The following CACNA1C variants were observed in gnomAD, a reference collection of about 807,000 sequenced individuals.
The protein encoded by CACNA1C is calcium voltage-gated channel subunit alpha1 C.
Under a neutral mutation model 229.0 loss-of-function variants are expected in CACNA1C, and 30 were observed. That is an observed-to-expected ratio of 0.13 (90% CI 0.10 to 0.18). The LOEUF (loss-of-function observed/expected upper bound fraction) is 0.18. Ranked by LOEUF, CACNA1C falls within the 10% of genes least tolerant of loss-of-function variation. The probability of loss-of-function intolerance (pLI) is 1.00; values close to 1 mark genes in which losing one functional copy is unlikely to be tolerated. For synonymous variants in CACNA1C, 1,114 were observed against 1,132.5 expected, an observed-to-expected ratio of 0.98 and a Z score of 0.33; for missense variants, 1,658 against 2,845.0, an observed-to-expected ratio of 0.58 and a Z score of 9.49.
In CACNA1C at chr12:2,632,814, A is replaced by G. The variant is rs1403691621; in HGVS notation, c.3829-1483A>G. 1.3e-5 allele frequency among the ~76,000 whole-genome samples: 2 copies of G among 152,106 alleles called. No individual in the cohort carries two copies. The highest frequency in any genetic ancestry group is 2.9e-5 in the Non-Finnish European group (2 of 68,016). ...CCTACCTCCAAATGACCATGAAAGA[A>G]CCTGGGGAGGGGCTTAGAAAGCCTC... is the stretch of plus-strand genomic sequence containing the variant. On this transcript the variant is annotated intron_variant, in intron 29 of 46. Coordinates refer to ENST00000399655, the MANE Select transcript of CACNA1C (RefSeq NM_000719.7). The surrounding 1 kb of genome is among the most constrained non-coding windows in gnomAD (Gnocchi z 4.1).
At chr12:2,121,180 C>T (rs1420978278) in intron 3 of CACNA1C, among the ~76,000 whole-genome samples, 1 of 152,208 alleles carries the variant, frequency 6.6e-6, no homozygotes, top group Non-Finnish European at 1.5e-5. Context: ...TCTCTTTCTC[C>T]CCCTCCATTG....
intron 1 of CACNA1C, among the ~76,000 whole-genome samples, chr12:2,111,721 A>G (rs1397779351): frequency 6.6e-6 from 1 of 152,160 alleles, no homozygotes; most frequent in African/African-American, 2.4e-5. Context: ...TGCCAAACAG[A>G]GAGTCTAGGA....
upstream of CACNA1C, among the ~76,000 whole-genome samples, chr12:2,050,392 C>T (rs568334857): frequency 2.6e-5 from 4 of 152,238 alleles, no homozygotes; most frequent in African/African-American, 9.6e-5. Flanking sequence ...CTTATTGGAT[C>T]GCAGTGAGGA....
intron 3 of CACNA1C, among the ~76,000 whole-genome samples, chr12:2,413,036 GAGA>G (rs1480767156): frequency 6.6e-6 from 1 of 152,084 alleles, no homozygotes; most frequent in Non-Finnish European, 1.5e-5. Context: ...TTGTTTTCTT[GAGA>G]AGGAGTCTCG....
At position 2,598,289 on chromosome 12, in the gene CACNA1C, G is replaced by C. The variant is rs560734044; in HGVS notation, c.2853+1000G>C. Among the ~76,000 whole-genome samples, 162 of 152,292 alleles carry C rather than the reference G, an allele frequency of 1.1e-3. 1 individual carries two copies. In the South Asian group the frequency reaches 0.032, roughly 30 times the overall value. On this transcript the variant is annotated intron_variant, in intron 21 of 46. Transcript: ENST00000399655. ...TGCTGGCCCAGCTCAGTTCTGCTAA[G>C]GGAACTGCTGCAACATTGCTACCCT...
Position 2,677,108 on chromosome 12 carries a change from G to A in CACNA1C, c.4843G>A (p.Val1615Ile), listed in dbSNP as rs750981201. The A allele has an allele frequency of 1.9e-6, 3 of 1,613,070 alleles. No homozygotes were observed. The highest frequency in any genetic ancestry group is 2.2e-5 in the South Asian group (2 of 90,776). Residue 1615 changes from valine (V) to isoleucine (I), a missense_variant, in exon 40 of 47, where the codon GTT becomes ATT. Val to Ile is a conservative substitution (Grantham distance 29, BLOSUM62 3). Around this residue, in one of 20 missense-constraint regions of CACNA1C, gnomAD observed 151 missense variants for 344.4 expected, o/e 0.44. Transcript: ENST00000399655. The surrounding 1 kb of genome is among the most constrained non-coding windows in gnomAD (Gnocchi z 7.4). ...VPPAGDDEVT[V>I]GKFYATFLIQ... is the part of the protein sequence containing the mutation. ...ATACGTCTCAGATGATGAGGTCACC[G>A]TTGGCAAGTTCTACGCCACGTTCCT...
intron 3 of CACNA1C, among the ~76,000 whole-genome samples, chr12:2,212,261 T>C (rs2097944690): frequency 6.6e-6 from 1 of 152,254 alleles, no homozygotes; most frequent in Non-Finnish European, 1.5e-5. Context: ...TGAGCACTCA[T>C]CAGCCTGTGG....
chr12:2,071,661 A>G (rs1412061276), intron 1 of CACNA1C, among the ~76,000 whole-genome samples: 1 of 152,078 alleles, frequency 6.6e-6, no homozygotes, highest in Non-Finnish European at 1.5e-5. Flanking sequence ...ATATTTTGTT[A>G]TCTATCCTCT....
intron 1 of CACNA1C, among the ~76,000 whole-genome samples, chr12:2,042,022 T>C (rs1466317275): frequency 2.0e-5 from 3 of 152,256 alleles, no homozygotes; most frequent in African/African-American, 7.2e-5. Flanking sequence ...TCTGGTGCTT[T>C]ATAAATCTTG....
chr12:2,524,886 G>A (rs1303114813), intron 9 of CACNA1C, among the ~76,000 whole-genome samples: 2 of 152,230 alleles, frequency 1.3e-5, no homozygotes, highest in Non-Finnish European at 2.9e-5. Context: ...GGCTGGGTGG[G>A]CACAGGACAG....
chr12:2,329,021 A>G (rs1273919363), intron 3 of CACNA1C, among the ~76,000 whole-genome samples: 1 of 152,200 alleles, frequency 6.6e-6, no homozygotes, highest in Non-Finnish European at 1.5e-5. Flanking sequence ...TTCAGGATCA[A>G]TGACAGTATG....
At chr12:2,056,786 T>G (rs1184205956) in intron 1 of CACNA1C, among the ~76,000 whole-genome samples, 4 of 152,164 alleles carry the variant, frequency 2.6e-5, no homozygotes, top group Non-Finnish European at 5.9e-5. Context: ...CTACTATTGG[T>G]CAGGCACTTT....
chr12:2,278,978 C>T (rs963613083), intron 3 of CACNA1C, among the ~76,000 whole-genome samples: 1 of 152,138 alleles, frequency 6.6e-6, no homozygotes, highest in African/African-American at 2.4e-5. Context: ...TTTGCATTTT[C>T]CTGAAGACTA....
intron 3 of CACNA1C, among the ~76,000 whole-genome samples, chr12:2,156,836 G>C (rs1027351324): frequency 3.3e-5 from 5 of 152,218 alleles, no homozygotes; most frequent in Admixed American, 2.6e-4. Flanking sequence ...TCTTGGCCAT[G>C]GTGGAGGCTT....
At chr12:2,432,623 G>A (rs1378782721) in intron 3 of CACNA1C, among the ~76,000 whole-genome samples, 1 of 152,140 alleles carries the variant, frequency 6.6e-6, no homozygotes, top group Non-Finnish European at 1.5e-5. Flanking sequence ...TCCAGATAAT[G>A]GTGCAATCAT....
At chr12:2,120,908 A>AT (rs1344796751) in intron 3 of CACNA1C, among the ~76,000 whole-genome samples, 1 of 152,146 alleles carries the variant, frequency 6.6e-6, no homozygotes, top group Non-Finnish European at 1.5e-5. Flanking sequence ...TGCAGCCAAC[A>AT]TGTATTATTG....
chr12:2,335,504 C>A (rs1747300010), intron 3 of CACNA1C, among the ~76,000 whole-genome samples: 2 of 152,078 alleles, frequency 1.3e-5, no homozygotes, highest in African/African-American at 4.8e-5. Flanking sequence ...ATGGCAGCAC[C>A]TTTCCACGGG....
In CACNA1C at chr12:2,023,000, C is replaced by T. The variant is rs144283072; in HGVS notation, c.139+51799C>T. On this transcript the variant is annotated intron_variant, in intron 1 of 46. Coordinates refer to the CACNA1C transcript ENST00000682462. ...GTACAGTCTCCCACTGAGAAGGGCT[C>T]TGAGCCTGGTTTTATACTCTGCTGT... Among the ~76,000 whole-genome samples the T allele has an allele frequency of 1.2e-3, 189 of 152,206 alleles. 1 individual carries two copies. The highest frequency in any genetic ancestry group is 4.6e-3 in the Admixed American group (71 of 15,290).
At chr12:2,249,637 G>C (rs1488899287) in intron 3 of CACNA1C, among the ~76,000 whole-genome samples, 2 of 152,208 alleles carry the variant, frequency 1.3e-5, no homozygotes, top group Non-Finnish European at 2.9e-5. Flanking sequence ...CAGAGGTGAT[G>C]ATTGTTCCCT....
Sources: allele counts gnomAD v4.1 joint callset (sites outside exome capture counted in the v4.1 genomes callset), GRCh38; gene constraint gnomAD v4.1.1; regional missense constraint gnomAD v4.1.1; non-coding constraint Gnocchi (gnomAD v3.1); transcripts MANE v1.5; gene names NCBI Gene and HGNC (gene_info 2026-07-23, HGNC 2026-07-21).